Variants in FOCAD observed in about 807,000 individuals in gnomAD.
The protein encoded by FOCAD is KIAA1797.
FOCAD carries 198 observed loss-of-function variants against 225.6 expected under a neutral mutation model. The ratio of observed to expected loss-of-function variants is 0.88; its 90% confidence interval spans 0.78 to 0.99. The LOEUF (loss-of-function observed/expected upper bound fraction) is 0.99. Among genes scored for constraint, FOCAD ranks in the 50% least tolerant of loss-of-function variants. The probability of loss-of-function intolerance (pLI) is 0.00; values close to 1 mark genes in which losing one functional copy is unlikely to be tolerated. For synonymous variants in FOCAD, 897 were observed against 755.0 expected, an observed-to-expected ratio of 1.19 and a Z score of -3.08; for missense variants, 2,713 against 2,123.6, an observed-to-expected ratio of 1.28 and a Z score of -5.46.
chr9:20,667,142 CTCTT>C (rs1587180947), intron 2 of FOCAD, among the ~76,000 whole-genome samples: 1 of 152,202 alleles, frequency 6.6e-6, no homozygotes, highest in African/African-American at 2.4e-5. Flanking sequence ...TAATTAGTTT[CTCTT>C]TCTTTGTCTA....
At chr9:20,915,988 A>T (rs777835460) in intron 23 of FOCAD, among the ~76,000 whole-genome samples, 1 of 152,228 alleles carries the variant, frequency 6.6e-6, no homozygotes, top group Non-Finnish European at 1.5e-5. Flanking sequence ...TTTAAAAAAT[A>T]CAAGATTGAG....
chr9:20,877,823 T>C (rs1426030478), intron 19 of FOCAD, among the ~76,000 whole-genome samples: 2 of 151,602 alleles, frequency 1.3e-5, no homozygotes, highest in Admixed American at 6.6e-5. Context: ...GACGAGAGAG[T>C]CGCTTGAACC....
At chr9:20,903,691 T>C (rs1202438647) in intron 21 of FOCAD, among the ~76,000 whole-genome samples, 1 of 151,960 alleles carries the variant, frequency 6.6e-6, no homozygotes, top group Non-Finnish European at 1.5e-5. Context: ...AACAGGTCAG[T>C]TGTATGCCTG....
At chr9:20,668,659 G>A (rs1212851979) in intron 2 of FOCAD, among the ~76,000 whole-genome samples, 1 of 152,202 alleles carries the variant, frequency 6.6e-6, no homozygotes, top group African/African-American at 2.4e-5. Flanking sequence ...GAATCTGTCA[G>A]GAGCCAGGTA....
intron 28 of FOCAD, among the ~76,000 whole-genome samples, chr9:20,934,495 GT>G (rs1377530699): frequency 6.6e-6 from 1 of 151,782 alleles, no homozygotes; most frequent in Non-Finnish European, 1.5e-5. Context: ...GTTGAGTAGG[GT>G]GTCCTTTACC....
At chr9:20,902,821 G>C (rs966009861) in intron 21 of FOCAD, among the ~76,000 whole-genome samples, 1 of 151,868 alleles carries the variant, frequency 6.6e-6, no homozygotes, top group African/African-American at 2.4e-5. Flanking sequence ...AACATTGATA[G>C]ATAATATTGA....
intron 21 of FOCAD, among the ~76,000 whole-genome samples, chr9:20,887,870 A>T (rs917139384): frequency 6.6e-6 from 1 of 152,184 alleles, no homozygotes; most frequent in Non-Finnish European, 1.5e-5. Context: ...AATTAAAAAA[A>T]TTTAGCTATT....
chr9:20,780,530 C>G (rs1819263457), intron 9 of FOCAD, among the ~76,000 whole-genome samples: 1 of 152,036 alleles, frequency 6.6e-6, no homozygotes, highest in African/African-American at 2.4e-5. Flanking sequence ...GCCAATATAT[C>G]ATGTTGGAAA....
chr9:20,940,890 A>G (rs1836586619), intron 28 of FOCAD, among the ~76,000 whole-genome samples: 1 of 152,228 alleles, frequency 6.6e-6, no homozygotes, highest in African/African-American at 2.4e-5. Context: ...ATAGAAGGAA[A>G]GCAGTTTGAT....
rs529480332 is a variant in FOCAD, at chr9:20,758,393, T to G, written c.494+202T>G. Among the ~76,000 whole-genome samples, 216 of 152,150 alleles carry G rather than the reference T, an allele frequency of 1.4e-3. 3 individuals are homozygous for G. The highest frequency in any genetic ancestry group is 4.9e-3 in the African/African-American group (204 of 41,512). On this transcript the variant is annotated intron_variant, in intron 6 of 43. Transcript: ENST00000338382. ...TTTTATTATTATTATACTTTAAGTT[T>G]TAGGGTACATGTGCACAATGTGCAG...
chr9:20,837,543 G>GTT (rs775995510), intron 15 of FOCAD, among the ~76,000 whole-genome samples: 3 of 149,970 alleles, frequency 2.0e-5, no homozygotes, highest in Non-Finnish European at 4.4e-5. Flanking sequence ...TAATGGGTAG[G>GTT]GTTTTTTTTT....
chr9:20,853,315 T>G (rs911645953), intron 15 of FOCAD, among the ~76,000 whole-genome samples: 2 of 151,772 alleles, frequency 1.3e-5, no homozygotes, highest in African/African-American at 4.8e-5. Context: ...CTCTGGCTGT[T>G]GAGTAGTGAG....
At chr9:20,825,490 C>A (rs1363277409) in intron 15 of FOCAD, among the ~76,000 whole-genome samples, 2 of 151,890 alleles carry the variant, frequency 1.3e-5, no homozygotes, top group Admixed American at 1.3e-4. Context: ...CTGTTTAGAT[C>A]CTTGACTATC....
At chr9:20,937,650 A>G (rs1020545193) in intron 28 of FOCAD, among the ~76,000 whole-genome samples, 1 of 152,202 alleles carries the variant, frequency 6.6e-6, no homozygotes, top group African/African-American at 2.4e-5. Flanking sequence ...AGACAATACC[A>G]TTCAGGACAT....
chr9:20,786,185 T>G (rs1819903767), intron 10 of FOCAD, among the ~76,000 whole-genome samples: 1 of 152,206 alleles, frequency 6.6e-6, no homozygotes, highest in African/African-American at 2.4e-5. Context: ...GGCACAATAT[T>G]TTATCATCTT....
At chr9:20,796,209 C>T (rs199742896) in intron 11 of FOCAD, among the ~76,000 whole-genome samples, 5 of 152,036 alleles carry the variant, frequency 3.3e-5, no homozygotes, top group African/African-American at 9.7e-5. Context: ...TAATCCAGTC[C>T]ACCGTTGTTG....
Position 20,975,002 on chromosome 9 carries a change from T to C in FOCAD, c.4133-1418T>C, listed in dbSNP as rs547702197. ...CTACTTCCACGCTGATTCCCCCTTT[T>C]TCAGCATCTTCTGATTCAGGTGCTT... On this transcript the variant is annotated intron_variant, in intron 35 of 43. Transcript: ENST00000338382. Among the ~76,000 whole-genome samples, 11 of 152,262 alleles carry C rather than the reference T, an allele frequency of 7.2e-5. No individual in the cohort carries two copies. In the South Asian group the frequency reaches 2.3e-3, roughly 32 times the overall value.
chr9:20,936,754 A>T (rs1587662647), intron 28 of FOCAD, among the ~76,000 whole-genome samples: 1 of 152,230 alleles, frequency 6.6e-6, no homozygotes, highest in South Asian at 2.1e-4. Flanking sequence ...AGGCAGGAGA[A>T]GGAAACAAAA....
At chr9:20,807,080 G>A (rs904126941) in intron 11 of FOCAD, among the ~76,000 whole-genome samples, 21 of 152,136 alleles carry the variant, frequency 1.4e-4, no homozygotes, top group Non-Finnish European at 7.3e-5. Context: ...TCATCATGTG[G>A]ATTAAATGAT....
Sources: allele counts gnomAD v4.1 joint callset (sites outside exome capture counted in the v4.1 genomes callset), GRCh38; gene constraint gnomAD v4.1.1; transcripts MANE v1.5; gene names NCBI Gene and HGNC (gene_info 2026-07-23, HGNC 2026-07-21).